The following ADAMTS8 variants were observed in gnomAD, a reference collection of about 807,000 sequenced individuals.
ADAMTS8 encodes ADAM metallopeptidase with thrombospondin type 1 motif 8.
In ADAMTS8, 50 loss-of-function variants were observed where a neutral mutation model predicts 64.4. The observed-to-expected ratio is 0.78, with a 90% CI of 0.62 to 0.98. The LOEUF is 0.98. Ranked by LOEUF, ADAMTS8 falls within the 50% of genes least tolerant of loss-of-function variation. The pLI, the probability that ADAMTS8 is intolerant of heterozygous loss-of-function variation, is 0.00. For synonymous variants in ADAMTS8, 556 were observed against 533.6 expected (o/e 1.04, Z -0.58); for missense variants, 1,192 against 1,208.2 (o/e 0.99, Z 0.20).
Position 130,405,781 on chromosome 11 carries a change from A to G in ADAMTS8, c.2447T>C (p.Met816Thr). The change falls in exon 9 of 9, where the codon ATG (methionine) becomes ACG (threonine). Residue 816 changes from methionine to threonine, a missense_variant. By Grantham distance (81) the Met-to-Thr change is moderately conservative. Coordinates refer to ENST00000257359, the MANE Select transcript of ADAMTS8 (RefSeq NM_007037.6). ...FFVPNDVDFS[M>T]QSSKERATTN... ...GGTTGCTCTCTCTTTGCTGCTCTGC[A>G]TGCTAAAGTCCACGTCATTAGGAAC... is the stretch of plus-strand genomic sequence containing the variant. 2 of 1,614,150 alleles carry G rather than the reference A, an allele frequency of 1.2e-6. No homozygotes were observed. The highest frequency in any genetic ancestry group is 1.1e-5 in the South Asian group (1 of 91,092).
chr11:130,414,746 G>C lies in ADAMTS8; in HGVS notation c.1351C>G (p.Gln451Glu). The C allele has an allele frequency of 6.2e-7, 1 of 1,613,546 alleles. No homozygotes were observed. The highest frequency in any genetic ancestry group is 8.5e-7 in the Non-Finnish European group (1 of 1,180,042). Residue 451 changes from glutamine (Q) to glutamate (E), a missense_variant, in exon 5 of 9, where the codon CAG (glutamine) becomes GAG (glutamate). Coordinates refer to ENST00000257359, the MANE Select transcript of ADAMTS8 (RefSeq NM_007037.6). The stretch of plus-strand genomic sequence containing the variant: ...TCCGGCCCAAAGATCTGCCTGCACT[G>C]CTGGTCCAGCTGGTACAGGGCCATG... ...GRMALYQLDQ[Q>E]CRQIFGPDFR...
intron 5 of ADAMTS8, among the ~76,000 whole-genome samples, chr11:130,412,959 C>T (rs1392029135): frequency 2.0e-5 from 3 of 152,308 alleles, no homozygotes; most frequent in African/African-American, 7.2e-5. Flanking sequence ...CAACTGCCGC[C>T]TCCTGGGTTC....
At chr11:130,415,609 T>C (rs1384065451) in intron 4 of ADAMTS8, among the ~76,000 whole-genome samples, 1 of 147,080 alleles carries the variant, frequency 6.8e-6, no homozygotes, top group East Asian at 2.0e-4. Context: ...GGCCCTTTTT[T>C]TTTTTTTTTT....
At chr11:130,422,110 C>T (rs749288707) in intron 1 of ADAMTS8, among the ~76,000 whole-genome samples, 1 of 152,160 alleles carries the variant, frequency 6.6e-6, no homozygotes, top group Non-Finnish European at 1.5e-5. Flanking sequence ...TTTAGGGAGT[C>T]TGCTCGTGCA....
At chr11:130,414,872 G>A in intron 4 of ADAMTS8, 40 bp from the exon 5 acceptor site, 2 of 1,533,476 alleles carry the variant, frequency 1.3e-6, no homozygotes, top group Non-Finnish European at 8.8e-7. Flanking sequence ...ACATGCACAG[G>A]GCTGCCGCCC....
intron 8 of ADAMTS8, among the ~76,000 whole-genome samples, chr11:130,406,334 G>T (rs151161033): frequency 1.3e-5 from 2 of 152,230 alleles, no homozygotes; most frequent in African/African-American, 2.4e-5. Context: ...AAGGGTGTTT[G>T]CTTCATCTGG....
intron 5 of ADAMTS8, among the ~76,000 whole-genome samples, 192 bp downstream of exon 5, chr11:130,414,339 G>A (rs138555154): frequency 2.1e-4 from 32 of 151,992 alleles, no homozygotes; most frequent in Middle Eastern, 3.4e-3. Flanking sequence ...GCCCAGGCTG[G>A]TCTCGGTGCA....
chr11:130,427,474 T>C lies in ADAMTS8; in HGVS notation c.720+93A>G, dbSNP rs1555075589. The C allele has an allele frequency of 1.4e-4, 114 of 811,560 alleles. 1 individual carries two copies. The Middle Eastern group carries it at 2.9e-3, about 20-fold the overall frequency. 50.3% of individuals were successfully genotyped at this position (811,560 alleles called of 1,614,324 possible). On this transcript the variant is annotated intron_variant, in intron 1 of 8. Coordinates refer to ENST00000257359, the MANE Select transcript of ADAMTS8 (RefSeq NM_007037.6). ...GGCTTTTTTTTTTTTTTTTTTTTTTTCTCAGAGGGATTGGAAGGGGAGATT... is the reference window on the plus strand; with the variant it reads ...GGCTTTTTTTTTTTTTTTTTTTTTTCCTCAGAGGGATTGGAAGGGGAGATT...
At chr11:130,421,670 C>T (rs1862100830) in intron 1 of ADAMTS8, among the ~76,000 whole-genome samples, 1 of 152,312 alleles carries the variant, frequency 6.6e-6, no homozygotes, top group Non-Finnish European at 1.5e-5. Flanking sequence ...CAGAGGAATG[C>T]CTTATATATG....
At position 130,406,175 on chromosome 11, in the gene ADAMTS8, C is replaced by T. The variant is rs373737015; in HGVS notation, c.2100-47G>A. On this transcript the variant is annotated intron_variant, in intron 8 of 8. Transcript: ENST00000257359. Reference sequence around the variant, plus strand: ...ACCCTTAGACCAGTGGCTGCCCAGCCCAGGTCACGATGATGCCTTGGAGAC... The same window carrying T: ...ACCCTTAGACCAGTGGCTGCCCAGCTCAGGTCACGATGATGCCTTGGAGAC... 304 of 1,564,254 alleles carry T rather than the reference C, an allele frequency of 1.9e-4. No individual in the cohort carries two copies. In the Middle Eastern group the frequency reaches 4.1e-3, roughly 21 times the overall value.
In ADAMTS8 at chr11:130,405,828, T is replaced by TG. The variant is rs767777455; in HGVS notation, c.2399dup (p.Val802SerfsTer9). 1 of 1,613,964 alleles carries TG rather than the reference T, an allele frequency of 6.2e-7. No homozygotes were observed. Among genetic ancestry groups the TG allele is most frequent in the Admixed American group, 1.7e-5 (1 of 60,032 alleles). The stretch of plus-strand genomic sequence containing the variant: ...GAACAAAGAAGGTGTATTTGACTTT[T>TG]GGGGGGAAGACCTCGCCAGGGACTG... On this transcript the variant is annotated frameshift_variant, in exon 9 of 9. Transcript: ENST00000257359. LOFTEE classifies it low-confidence loss of function (END_TRUNC).
chr11:130,419,375 C>T (rs550713083), intron 1 of ADAMTS8, 83 bp from the exon 2 acceptor site: 388 of 1,558,482 alleles, frequency 2.5e-4, no homozygotes, highest in Middle Eastern at 2.0e-3. Context: ...GCCATCACCT[C>T]TTGTTATGGG....
chr11:130,416,458 A>G lies in ADAMTS8; in HGVS notation c.1097-128T>C, dbSNP rs1260161976. The G allele has an allele frequency of 9.2e-7, 1 of 1,081,220 alleles. No homozygotes were observed. Among genetic ancestry groups the G allele is most frequent in the Non-Finnish European group, 1.3e-6 (1 of 778,848 alleles). 67.0% of individuals were successfully genotyped at this position (1,081,220 alleles called of 1,614,324 possible). A position where few individuals can be genotyped will look rare whatever the true frequency, so the allele number is the denominator to read the frequency against. ...CCTCACTCTCCGAAGATTTCTGCGT[A>G]GGGCTTTCCCCTGCGCTTTGCTCTT... is the stretch of plus-strand genomic sequence containing the variant. On this transcript the variant is annotated intron_variant, in intron 3 of 8. Coordinates refer to ENST00000257359, the MANE Select transcript of ADAMTS8 (RefSeq NM_007037.6). The surrounding 1 kb of genome is among the most constrained non-coding windows in gnomAD (Gnocchi z 4.8).
chr11:130,422,502 G>C lies in ADAMTS8; in HGVS notation c.721-3210C>G, dbSNP rs77044255. Among the ~76,000 whole-genome samples the C allele has an allele frequency of 6.2e-3, 945 of 152,220 alleles. 8 individuals are homozygous for C. Among genetic ancestry groups the C allele is most frequent in the African/African-American group, 0.022 (897 of 41,522 alleles). On this transcript the variant is annotated intron_variant, in intron 1 of 8. Coordinates refer to ENST00000257359, the MANE Select transcript of ADAMTS8 (RefSeq NM_007037.6). ...CACAGCTTTCCCTTGCGGCGCGCCT[G>C]GGGGGAGGTCAGGTGAGGAAAAGTG...
chr11:130,412,813 C>T (rs957741412), intron 5 of ADAMTS8, among the ~76,000 whole-genome samples: 2 of 152,042 alleles, frequency 1.3e-5, no homozygotes, highest in Admixed American at 1.3e-4. Context: ...AGATATGATT[C>T]TATGTATATA....
chr11:130,408,052 G>T (rs557112394), intron 8 of ADAMTS8, among the ~76,000 whole-genome samples: 1 of 152,278 alleles, frequency 6.6e-6, no homozygotes, highest in African/African-American at 2.4e-5. Context: ...CTGCAGAAAG[G>T]ACAGGGGCTT....
chr11:130,427,451 CTTTTTTTTTTTTT>C (rs36087476), intron 1 of ADAMTS8, 103 bp downstream of exon 1: 49 of 438,490 alleles, frequency 1.1e-4, no homozygotes, highest in Middle Eastern at 1.3e-3. Flanking sequence ...GTGGGGAGGG[CTTTTTTTTTTTTT>C]TTTTTTTTTT....
intron 1 of ADAMTS8, among the ~76,000 whole-genome samples, chr11:130,424,857 G>A (rs1234329899): frequency 2.6e-5 from 4 of 152,114 alleles, no homozygotes; most frequent in African/African-American, 7.2e-5. Flanking sequence ...CACCCGCCAC[G>A]GTGGCAGCAG....
rs146591079 is a variant in ADAMTS8 at position 130,416,394 on chromosome 11, TAGGG to T, written c.1097-68_1097-65del. On this transcript the variant is annotated intron_variant, in intron 3 of 8. Coordinates refer to ENST00000257359, the MANE Select transcript of ADAMTS8 (RefSeq NM_007037.6). This position sits in a 1 kb window ranked among gnomAD's most constrained non-coding sequence, Gnocchi z 4.8. The stretch of plus-strand genomic sequence containing the variant: ...CTGAGGGCGCCCCACCTGGCCCAGC[TAGGG>T]ACAGAGATGGAGCTCCTCAGGGGAG... The T allele has an allele frequency of 1.4e-3, 2,027 of 1,477,978 alleles. 25 individuals carry two copies. The African/African-American group carries it at 0.025, about 19-fold the overall frequency. The allele number at this position is 1,477,978 out of a possible 1,614,324, so 91.6% of individuals were successfully genotyped here.
Sources: gnomAD v4.1 joint callset for allele counts (sites outside exome capture counted in the v4.1 genomes callset) on GRCh38, gnomAD v4.1.1 for gene constraint, Gnocchi (gnomAD v3.1) non-coding constraint, MANE v1.5 for transcripts, NCBI Gene and HGNC (gene_info 2026-07-23, HGNC 2026-07-21) for gene names.